Variants in TTC28 observed in about 807,000 individuals in gnomAD.
The protein encoded by TTC28 is tetratricopeptide repeat protein 28.
TTC28 carries 61 observed loss-of-function variants against 198.0 expected under a neutral mutation model. The observed-to-expected ratio is 0.31, with a 90% CI of 0.25 to 0.38. The LOEUF is 0.38. Among genes scored for constraint, TTC28 ranks in the 10% least tolerant of loss-of-function variants. The pLI is 1.00. For missense variants in TTC28, 2,678 were observed against 3,164.0 expected (o/e 0.85, Z 3.69); for synonymous variants, 1,171 against 1,297.8 (o/e 0.90, Z 2.10).
intron 5 of TTC28, among the ~76,000 whole-genome samples, chr22:28,218,867 C>A (rs1927618462): frequency 6.6e-6 from 1 of 151,928 alleles, no homozygotes; most frequent in African/African-American, 2.4e-5. Context: ...ACTTCTAGTG[C>A]AGCTTGGTGC....
At chr22:28,313,517 A>G (rs778412817) in intron 2 of TTC28, among the ~76,000 whole-genome samples, 42 of 152,172 alleles carry the variant, frequency 2.8e-4, no homozygotes, top group Non-Finnish European at 5.0e-4. Flanking sequence ...ATCCACAACA[A>G]TCAAGACGGC....
chr22:28,501,387 T>C (rs2048536675), intron 2 of TTC28, among the ~76,000 whole-genome samples: 1 of 152,244 alleles, frequency 6.6e-6, no homozygotes, highest in Non-Finnish European at 1.5e-5. Context: ...GAAAATGGTA[T>C]GACGTGTGAA....
intron 5 of TTC28, among the ~76,000 whole-genome samples, chr22:28,194,980 C>CCAAA (rs1925242787): frequency 8.6e-5 from 1 of 11,666 alleles, no homozygotes; most frequent in Non-Finnish European, 1.7e-4. Context: ...AGAGATACAA[C>CCAAA]AAAGAGAATT....
chr22:28,605,538 A>C (rs1445154388), intron 2 of TTC28, among the ~76,000 whole-genome samples: 1 of 152,198 alleles, frequency 6.6e-6, no homozygotes, highest in Admixed American at 6.5e-5. Flanking sequence ...CTCATCTCTT[A>C]TAACAGCACA....
chr22:28,613,638 G>C (rs1469488638), intron 2 of TTC28, among the ~76,000 whole-genome samples: 1 of 152,150 alleles, frequency 6.6e-6, no homozygotes. Context: ...TGCAAGGCTG[G>C]TTCAACATAC....
At chr22:28,097,258 C>T (rs1942006116) in intron 10 of TTC28, among the ~76,000 whole-genome samples, 1 of 152,192 alleles carries the variant, frequency 6.6e-6, no homozygotes, top group East Asian at 1.9e-4. Context: ...AGTTGTCCTG[C>T]CTATCGCAAA....
At chr22:28,424,666 C>A (rs935754102) in intron 2 of TTC28, among the ~76,000 whole-genome samples, 2 of 152,112 alleles carry the variant, frequency 1.3e-5, no homozygotes, top group Non-Finnish European at 2.9e-5. Flanking sequence ...TATTTGGCTT[C>A]GATATGAGGT....
In TTC28 at chr22:28,456,801, CTT is replaced by C. The variant is rs550639460; in HGVS notation, c.382-150160_382-150159del. Among the ~76,000 whole-genome samples the C allele has an allele frequency of 2.3e-3, 355 of 152,310 alleles. 1 individual carries two copies. The highest frequency in any genetic ancestry group is 8.2e-3 in the African/African-American group (340 of 41,568). On this transcript the variant is annotated intron_variant, in intron 2 of 22. Coordinates refer to ENST00000397906, the MANE Select transcript of TTC28 (RefSeq NM_001145418.2). ...ATGTTGGCCAGGATGGTCTCAATCTCTTGACCTCGTGATCCGCCCACCTCGGC... is the reference window on the plus strand; with the variant it reads ...ATGTTGGCCAGGATGGTCTCAATCTCGACCTCGTGATCCGCCCACCTCGGC...
chr22:28,087,251 A>C (rs1179721625), intron 12 of TTC28, among the ~76,000 whole-genome samples: 1 of 152,208 alleles, frequency 6.6e-6, no homozygotes, highest in Non-Finnish European at 1.5e-5. Context: ...ACATTGATGC[A>C]AAAATCCTCA....
At chr22:28,331,125 T>G (rs565920320) in intron 2 of TTC28, among the ~76,000 whole-genome samples, 12 of 152,080 alleles carry the variant, frequency 7.9e-5, no homozygotes, top group Admixed American at 1.3e-4. Flanking sequence ...ACACGAGTAA[T>G]CTTATTTAGT....
intron 16 of TTC28, 146 bp from the exon 17 acceptor site, chr22:27,996,405 G>T: frequency 8.5e-7 from 1 of 1,173,538 alleles, no homozygotes; most frequent in Non-Finnish European, 1.2e-6. Flanking sequence ...CTGGCCTGGG[G>T]CATCTGACTC....
At chr22:28,146,889 T>C (rs1943482237) in intron 6 of TTC28, among the ~76,000 whole-genome samples, 1 of 152,182 alleles carries the variant, frequency 6.6e-6, no homozygotes, top group Non-Finnish European at 1.5e-5. Flanking sequence ...AACAAAGCAT[T>C]TACTTCACTT....
intron 2 of TTC28, among the ~76,000 whole-genome samples, chr22:28,609,860 C>T (rs1435342020): frequency 6.6e-6 from 1 of 152,196 alleles, no homozygotes; most frequent in Admixed American, 6.5e-5. Context: ...ACTGCCAGCA[C>T]AGCAGTCTGA....
intron 6 of TTC28, among the ~76,000 whole-genome samples, chr22:28,162,357 T>C (rs1921312796): frequency 6.6e-6 from 1 of 152,184 alleles, no homozygotes; most frequent in Non-Finnish European, 1.5e-5. Context: ...GAGGAAAAAA[T>C]GCATTTCCTG....
chr22:28,302,824 G>A (rs1026042807), intron 3 of TTC28, among the ~76,000 whole-genome samples: 3 of 151,962 alleles, frequency 2.0e-5, no homozygotes, highest in African/African-American at 7.3e-5. Flanking sequence ...ACAGGTGCCC[G>A]AGCCTATGTT....
intron 1 of TTC28, among the ~76,000 whole-genome samples, chr22:28,663,418 G>C (rs2051785071): frequency 6.8e-6 from 1 of 147,998 alleles, no homozygotes; most frequent in Admixed American, 6.8e-5. Flanking sequence ...GCCAGACAGT[G>C]GGCGCAGGCC....
At position 28,591,032 on chromosome 22, in the gene TTC28, CACACACACATATATATATATATAT is replaced by C. The variant is rs1184965702; in HGVS notation, c.381+38496_381+38519del. Among the ~76,000 whole-genome samples, 560 of 62,552 alleles carry C rather than the reference CACACACACATATATATATATATAT, an allele frequency of 9.0e-3. 5 individuals carry two copies. The highest frequency in any genetic ancestry group is 0.028 in the African/African-American group (506 of 18,350). 41.0% of individuals were successfully genotyped at this position (62,552 alleles called of 152,430 possible). On this transcript the variant is annotated intron_variant, in intron 2 of 22. Coordinates refer to ENST00000397906, the MANE Select transcript of TTC28 (RefSeq NM_001145418.2). Reference sequence around the variant, plus strand: ...AAACACACACACACACACACACACACACACACACATATATATATATATATATATATATATATATATATATATATA... The same window carrying C: ...AAACACACACACACACACACACACACATATATATATATATATATATATATA...
chr22:28,173,959 G>GA (rs1255079761), intron 5 of TTC28, among the ~76,000 whole-genome samples: 1 of 152,054 alleles, frequency 6.6e-6, no homozygotes, highest in African/African-American at 2.4e-5. Flanking sequence ...CATGTCATTG[G>GA]AAAAATGGGA....
chr22:28,401,387 G>T (rs1428628788), intron 2 of TTC28, among the ~76,000 whole-genome samples: 1 of 152,010 alleles, frequency 6.6e-6, no homozygotes, highest in Admixed American at 6.6e-5. Context: ...AGACCGACGT[G>T]GGCGGATCAT....
Sources: allele counts gnomAD v4.1 joint callset (sites outside exome capture counted in the v4.1 genomes callset), GRCh38; gene constraint gnomAD v4.1.1; transcripts MANE v1.5; gene names NCBI Gene and HGNC (gene_info 2026-07-23, HGNC 2026-07-21).